Variants in CAVIN1 observed in about 807,000 individuals in gnomAD.
The protein encoded by CAVIN1 is caveolae-associated protein 1.
Under a neutral mutation model 24.0 loss-of-function variants are expected in CAVIN1, and 16 were observed. The observed-to-expected ratio is 0.67, with a 90% CI of 0.45 to 1.01. The LOEUF is 1.01. Among genes scored for constraint, CAVIN1 ranks in the 50% least tolerant of loss-of-function variants. The pLI, the probability that CAVIN1 is intolerant of heterozygous loss-of-function variation, is 0.00. For missense variants in CAVIN1, 510 were observed against 551.7 expected (o/e 0.92, Z 0.76); for synonymous variants, 256 against 256.4 (o/e 1.00, Z 0.02).
chr17:42,410,642 T>C (rs2085469646), intron 1 of CAVIN1, among the ~76,000 whole-genome samples: 1 of 151,954 alleles, frequency 6.6e-6, no homozygotes, highest in African/African-American at 2.4e-5. Context: ...GGCCGGGTGC[T>C]GTGGCTCAAG....
At chr17:42,421,976 G>T (rs2085550441) in intron 1 of CAVIN1, among the ~76,000 whole-genome samples, 1 of 152,212 alleles carries the variant, frequency 6.6e-6, no homozygotes, top group Non-Finnish European at 1.5e-5. Context: ...TGTCCTCAAG[G>T]GCCTGAAAAT....
At chr17:42,412,330 C>A in intron 1 of CAVIN1, 1 of 972,690 alleles carries the variant, frequency 1.0e-6, no homozygotes, top group Non-Finnish European at 1.2e-6. Flanking sequence ...TGGTGGCATG[C>A]AGAGTAGGGG....
intron 1 of CAVIN1, 53 bp from the exon 2 acceptor site, chr17:42,405,441 C>A: frequency 6.3e-7 from 1 of 1,575,946 alleles, no homozygotes; most frequent in Non-Finnish European, 8.6e-7. Context: ...CGGATGTGGG[C>A]GAGCCTGAGT....
In CAVIN1 at chr17:42,422,729, G is replaced by C. The variant is rs368132736; in HGVS notation, c.369C>G (p.Thr123=). The C allele has an allele frequency of 1.8e-5, 29 of 1,610,546 alleles. No individual in the cohort carries two copies. Among genetic ancestry groups the C allele is most frequent in the Non-Finnish European group, 2.3e-5 (27 of 1,178,708 alleles). The stretch of plus-strand genomic sequence containing the variant: ...CCTGGCGCTCCAGGCTGCCGCGCAC[G>C]GTCTTCACGTTGACGCTGACCTTGC... ...KVRKVSVNVK[T]VRGSLERQAG... The change falls in exon 1 of 2, where the codon ACC becomes ACG. Residue 123 remains threonine, a synonymous_variant. Coordinates refer to ENST00000357037, the MANE Select transcript of CAVIN1 (RefSeq NM_012232.6).
chr17:42,412,840 C>T (rs1194138788), intron 1 of CAVIN1, among the ~76,000 whole-genome samples: 1 of 151,778 alleles, frequency 6.6e-6, no homozygotes, highest in Non-Finnish European at 1.5e-5. Flanking sequence ...TGGTCTTGAA[C>T]TCCTGGCCTC....
chr17:42,422,954 C>T lies in CAVIN1; in HGVS notation c.144G>A (p.Gln48=). 1 of 1,614,024 alleles carries T rather than the reference C, an allele frequency of 6.2e-7. No individual in the cohort carries two copies. Among genetic ancestry groups the T allele is most frequent in the South Asian group, 1.1e-5 (1 of 91,090 alleles). The change falls in exon 1 of 2, where the codon CAG becomes CAA. Residue 48 remains glutamine (Q), a synonymous_variant. Transcript: ENST00000357037. ...AGSEELIKSD[Q]VNGVLVLSLL... is the part of the protein sequence containing the mutation. ...GGCTCAGCACCAGCACGCCGTTCAC[C>T]TGGTCCGACTTGATCAGCTCTTCTG...
intron 1 of CAVIN1, among the ~76,000 whole-genome samples, chr17:42,410,942 A>G (rs1055702780): frequency 3.8e-4 from 54 of 142,234 alleles, no homozygotes; most frequent in Non-Finnish European, 7.1e-4. Context: ...TGAAAGGGCC[A>G]GGGGTGGTGG....
intron 1 of CAVIN1, among the ~76,000 whole-genome samples, chr17:42,416,185 T>C (rs908287965): frequency 2.6e-5 from 4 of 151,992 alleles, no homozygotes; most frequent in African/African-American, 4.8e-5. Context: ...CTAGCCAACA[T>C]GGTGAAACCC....
chr17:42,406,128 C>A (rs2085445241), intron 1 of CAVIN1, among the ~76,000 whole-genome samples: 1 of 152,174 alleles, frequency 6.6e-6, no homozygotes, highest in African/African-American at 2.4e-5. Context: ...GTCGTCCAAC[C>A]CTGTCCTGAT....
intron 1 of CAVIN1, chr17:42,411,914 T>C: frequency 1.0e-6 from 1 of 985,416 alleles, no homozygotes; most frequent in Admixed American, 6.1e-5. Context: ...GTTCTCACAG[T>C]ACCCGGCACC....
At position 42,422,749 on chromosome 17, in the gene CAVIN1, C is replaced by T; in HGVS notation, c.349G>A (p.Val117Ile). ...VSKLLEKVRKVSVNVKTVRGS... is the reference protein window; with the variant it reads ...VSKLLEKVRKISVNVKTVRGS... ...CGCACGGTCTTCACGTTGACGCTGACCTTGCGCACCTTCTCCAGCAGCTTG... is the reference window on the plus strand; with the variant it reads ...CGCACGGTCTTCACGTTGACGCTGATCTTGCGCACCTTCTCCAGCAGCTTG... The change falls in exon 1 of 2, where the codon GTC (valine) becomes ATC (isoleucine). Residue 117 changes from valine (V) to isoleucine (I), a missense_variant. By Grantham distance (29) the Val-to-Ile change is conservative. Transcript: ENST00000357037. 6.2e-7 allele frequency: 1 copy of T among 1,612,328 alleles called. No individual in the cohort carries two copies. The highest frequency in any genetic ancestry group is 8.5e-7 in the Non-Finnish European group (1 of 1,179,358).
rs7220527 is a variant in CAVIN1, at chr17:42,404,340, G to T, written c.*347C>A. On this transcript the variant is annotated 3_prime_UTR_variant, in exon 2 of 2. Transcript: ENST00000357037. ...TCAGTGAGCGGAATGACAGCAGCTG[G>T]GTGGGTGGTGTGGGGAGAGGCTGAG... 2,560 of 207,114 alleles carry T rather than the reference G, an allele frequency of 0.012. 62 individuals are homozygous for T. The highest frequency in any genetic ancestry group is 0.056 in the African/African-American group (2,425 of 42,988). 12.8% of individuals were successfully genotyped at this position (207,114 alleles called of 1,614,324 possible). A position where few individuals can be genotyped will look rare whatever the true frequency, so the allele number is the denominator to read the frequency against.
chr17:42,417,591 G>A (rs974771326), intron 1 of CAVIN1, among the ~76,000 whole-genome samples: 1 of 152,076 alleles, frequency 6.6e-6, no homozygotes. Context: ...CAAGCCTGCT[G>A]CACTACCAGT....
At chr17:42,407,944 T>C (rs1464866006) in intron 1 of CAVIN1, among the ~76,000 whole-genome samples, 1 of 152,128 alleles carries the variant, frequency 6.6e-6, no homozygotes, top group Non-Finnish European at 1.5e-5. Context: ...GTGCATATCA[T>C]TTAAGACTTA....
chr17:42,414,901 C>T (rs147174022), intron 1 of CAVIN1, among the ~76,000 whole-genome samples: 273 of 151,604 alleles, frequency 1.8e-3, no homozygotes, highest in Middle Eastern at 0.01. Context: ...AGCTCCACTC[C>T]TCCCCTACGC....
At chr17:42,413,008 C>T (rs12941972) in intron 1 of CAVIN1, among the ~76,000 whole-genome samples, 2,169 of 149,896 alleles carry the variant, frequency 0.014, 51 homozygotes, top group African/African-American at 0.05. Context: ...CTTGGTTCAC[C>T]GCAACCTCCG....
Position 42,422,620 on chromosome 17 carries a change from G to C in CAVIN1, c.471+7C>G. 1 of 1,561,770 alleles carries C rather than the reference G, an allele frequency of 6.4e-7. No individual in the cohort carries two copies. The highest frequency in any genetic ancestry group is 2.4e-5 in the East Asian group (1 of 41,592). Reference sequence around the variant, plus strand: ...AGCTCTGGGCGCCTTCCGCCCTGTGGGCTCACCTGGTAGATCATGACTTTA... The same window carrying C: ...AGCTCTGGGCGCCTTCCGCCCTGTGCGCTCACCTGGTAGATCATGACTTTA... On this transcript the variant is annotated splice_region_variant and intron_variant, in intron 1 of 1. Transcript: ENST00000357037.
chr17:42,413,566 GAAAAA>G (rs60085741), intron 1 of CAVIN1, among the ~76,000 whole-genome samples: 6 of 56,964 alleles, frequency 1.1e-4, no homozygotes, highest in East Asian at 7.0e-4. Flanking sequence ...CTCAAAAAGG[GAAAAA>G]AAAAAAAAAA....
chr17:42,406,375 CTTT>C (rs34629601), intron 1 of CAVIN1, among the ~76,000 whole-genome samples: 4 of 140,932 alleles, frequency 2.8e-5, no homozygotes, highest in Non-Finnish European at 3.1e-5. Flanking sequence ...CAAGCTATTT[CTTT>C]TTTTTTTTTT....
Sources: gnomAD v4.1 joint callset for allele counts (sites outside exome capture counted in the v4.1 genomes callset) on GRCh38, gnomAD v4.1.1 for gene constraint, MANE v1.5 for transcripts, NCBI Gene and HGNC (gene_info 2026-07-23, HGNC 2026-07-21) for gene names.